Variants in TTC7B observed in about 807,000 individuals in gnomAD.
The protein encoded by TTC7B is tetratricopeptide repeat domain 7B.
Under a neutral mutation model 106.8 loss-of-function variants are expected in TTC7B, and 28 were observed. That is an observed-to-expected ratio of 0.26 (90% CI 0.19 to 0.36). TTC7B has a LOEUF of 0.36. TTC7B is among the 10% of genes least tolerant of loss of function. TTC7B has a pLI of 1.00. For synonymous variants in TTC7B, 405 were observed against 430.6 expected (o/e 0.94, Z 0.74); for missense variants, 862 against 1,076.4 (o/e 0.80, Z 2.79).
chr14:90,658,065 T>G (rs1886023340), intron 10 of TTC7B: 2 of 527,702 alleles, frequency 3.8e-6, no homozygotes, highest in Admixed American at 3.2e-5. Flanking sequence ...TGACACCTGA[T>G]GAAGTCACAA....
At chr14:90,622,116 A>ATT (rs34021447) in intron 15 of TTC7B, among the ~76,000 whole-genome samples, 9 of 135,016 alleles carry the variant, frequency 6.7e-5, no homozygotes, top group Non-Finnish European at 6.3e-5. Flanking sequence ...CATGATTCTA[A>ATT]TTTTTTTTTT....
At chr14:90,590,886 C>T (rs903977072) in intron 18 of TTC7B, among the ~76,000 whole-genome samples, 5 of 152,208 alleles carry the variant, frequency 3.3e-5, no homozygotes, top group Non-Finnish European at 5.9e-5. Context: ...GCACAGTCTG[C>T]TCAGGGTTTA....
chr14:90,549,422 G>A (rs1253985959), intron 19 of TTC7B, among the ~76,000 whole-genome samples: 3 of 152,234 alleles, frequency 2.0e-5, no homozygotes, highest in African/African-American at 7.2e-5. Context: ...AGCTTCTGGG[G>A]TGGAAAGCCC....
At chr14:90,762,983 C>T (rs1373984547) in intron 3 of TTC7B, among the ~76,000 whole-genome samples, 1 of 152,188 alleles carries the variant, frequency 6.6e-6, no homozygotes, top group Non-Finnish European at 1.5e-5. Flanking sequence ...TAAAGAACTA[C>T]CACCAATTCT....
Position 90,745,788 on chromosome 14 carries a change from T to A in TTC7B, c.446-866A>T, listed in dbSNP as rs1273023406. The stretch of plus-strand genomic sequence containing the variant: ...AGTGCGACCTCGGCTCACTGCAATG[T>A]CCACCTCCTGAGTTCAAGAGATTCT... On this transcript the variant is annotated intron_variant, in intron 3 of 19. Transcript: ENST00000328459. Among the ~76,000 whole-genome samples, 4 of 151,870 alleles carry A rather than the reference T, an allele frequency of 2.6e-5. No homozygotes were observed. In the East Asian group the frequency reaches 5.8e-4, roughly 22 times the overall value.
intron 19 of TTC7B, among the ~76,000 whole-genome samples, chr14:90,544,017 G>A (rs977801058): frequency 6.6e-6 from 1 of 152,250 alleles, no homozygotes; most frequent in Non-Finnish European, 1.5e-5. Context: ...CCCAGGAGGA[G>A]CACGTGGTTG....
intron 5 of TTC7B, among the ~76,000 whole-genome samples, chr14:90,721,099 C>T (rs575356383): frequency 6.6e-6 from 1 of 152,232 alleles, no homozygotes; most frequent in East Asian, 1.9e-4. Flanking sequence ...CAGCATATCA[C>T]CGGTAAACCA....
rs1379849773 is a variant in TTC7B at position 90,797,192 on chromosome 14, C to T, written c.122-10864G>A. ...TCAGAAGGCCAGGTGCAGTGGCTCACACCTGTAATCCCAGCACTTTGGGGG... is the reference window on the plus strand; with the variant it reads ...TCAGAAGGCCAGGTGCAGTGGCTCATACCTGTAATCCCAGCACTTTGGGGG... On this transcript the variant is annotated intron_variant, in intron 1 of 19. Transcript: ENST00000328459. Among the ~76,000 whole-genome samples the T allele has an allele frequency of 9.9e-5, 12 of 121,242 alleles. 1 individual carries two copies. Among genetic ancestry groups the T allele is most frequent in the Middle Eastern group, 8.8e-3 (2 of 226 alleles). 79.5% of individuals were successfully genotyped at this position (121,242 alleles called of 152,430 possible).
intron 5 of TTC7B, chr14:90,697,655 G>A (rs1050303938): frequency 3.9e-5 from 6 of 152,244 alleles, no homozygotes; most frequent in African/African-American, 1.4e-4. Flanking sequence ...AAGAAGTCCA[G>A]TGAATGCGGG....
In TTC7B at chr14:90,591,931, C is replaced by T. The variant is rs138096954; in HGVS notation, c.2107+1555G>A. ...TCTCTAAGCAAGAGGCCAAATGCTG[C>T]AGGCGTCTGCAGCAGAGAAGAACAA... On this transcript the variant is annotated intron_variant, in intron 18 of 19. Transcript: ENST00000328459. Among the ~76,000 whole-genome samples, 8 of 152,368 alleles carry T rather than the reference C, an allele frequency of 5.3e-5. No individual in the cohort carries two copies. The East Asian group carries it at 1.5e-3, about 29-fold the overall frequency.
chr14:90,726,616 C>T (rs765269787), intron 5 of TTC7B, among the ~76,000 whole-genome samples: 9 of 152,196 alleles, frequency 5.9e-5, no homozygotes, highest in Non-Finnish European at 1.3e-4. Context: ...CTCACTACTG[C>T]TCTCCGAGGT....
intron 5 of TTC7B, among the ~76,000 whole-genome samples, chr14:90,716,947 C>CA (rs1280323206): frequency 1.3e-5 from 2 of 152,130 alleles, no homozygotes; most frequent in Non-Finnish European, 2.9e-5. Flanking sequence ...AGCGTGTCCA[C>CA]ACCAGACCTG....
intron 11 of TTC7B, among the ~76,000 whole-genome samples, chr14:90,656,946 T>C (rs998555659): frequency 5.9e-5 from 9 of 152,126 alleles, no homozygotes; most frequent in African/African-American, 4.8e-5. Flanking sequence ...CACAATCCCA[T>C]AGGAAAAAAC....
chr14:90,674,804 T>C (rs777753666), intron 9 of TTC7B, among the ~76,000 whole-genome samples: 3 of 152,362 alleles, frequency 2.0e-5, no homozygotes, highest in Non-Finnish European at 4.4e-5. Flanking sequence ...TCTACCCTCC[T>C]ATTCCAGCTT....
intron 17 of TTC7B, among the ~76,000 whole-genome samples, chr14:90,609,638 C>G (rs2139840429): frequency 6.6e-6 from 1 of 152,294 alleles, no homozygotes; most frequent in East Asian, 1.9e-4. Flanking sequence ...TGTCATGCAG[C>G]CAGCCCATAA....
intron 15 of TTC7B, among the ~76,000 whole-genome samples, chr14:90,636,163 C>T (rs1884932897): frequency 6.6e-6 from 1 of 151,582 alleles, no homozygotes; most frequent in Non-Finnish European, 1.5e-5. Context: ...AATGATAGTC[C>T]AAGTCTATAT....
intron 16 of TTC7B, among the ~76,000 whole-genome samples, chr14:90,614,827 G>A (rs148218656): frequency 6.6e-6 from 1 of 152,188 alleles, no homozygotes; most frequent in Non-Finnish European, 1.5e-5. Flanking sequence ...ACCATCCCTG[G>A]CTGAAATGCT....
rs76656934 is a variant in TTC7B at position 90,663,449 on chromosome 14, G to A, written c.1153-5062C>T. ...AACTGTTTCAGAGACTCAGCGATATGGTTTTTTTTTTGCTGCTAATGGGGA... is the reference window on the plus strand; with the variant it reads ...AACTGTTTCAGAGACTCAGCGATATAGTTTTTTTTTTGCTGCTAATGGGGA... On this transcript the variant is annotated intron_variant, in intron 9 of 19. Transcript: ENST00000328459. The surrounding 1 kb of genome is among the most constrained non-coding windows in gnomAD (Gnocchi z 4.5). Among the ~76,000 whole-genome samples, 24,544 of 146,600 alleles carry A rather than the reference G, an allele frequency of 0.17. 2,697 individuals are homozygous for A. Among genetic ancestry groups the A allele is most frequent in the African/African-American group, 0.33 (13,310 of 40,728 alleles).
chr14:90,784,717 G>A (rs1891328630), intron 2 of TTC7B, among the ~76,000 whole-genome samples: 1 of 152,118 alleles, frequency 6.6e-6, no homozygotes, highest in Admixed American at 6.5e-5. Flanking sequence ...CCTGGTTTTT[G>A]AAGCCCAAAT....
Sources: gnomAD v4.1 joint callset for allele counts (sites outside exome capture counted in the v4.1 genomes callset) on GRCh38, gnomAD v4.1.1 for gene constraint, Gnocchi (gnomAD v3.1) non-coding constraint, MANE v1.5 for transcripts, NCBI Gene and HGNC (gene_info 2026-07-23, HGNC 2026-07-21) for gene names.